SPAG16: variants seen among roughly 807,000 people sequenced by gnomAD.
The protein encoded by SPAG16 is sperm associated antigen 16.
In SPAG16, 86 loss-of-function variants were observed where a neutral mutation model predicts 80.4. The ratio of observed to expected loss-of-function variants is 1.07; its 90% confidence interval spans 0.90 to 1.28. The LOEUF (loss-of-function observed/expected upper bound fraction) is 1.28. Among genes scored for constraint, SPAG16 ranks in the 50% most tolerant of loss-of-function variants. The probability of loss-of-function intolerance (pLI) is 0.00; values close to 1 mark genes in which losing one functional copy is unlikely to be tolerated. For synonymous variants in SPAG16, 294 were observed against 265.9 expected, an observed-to-expected ratio of 1.11 and a Z score of -1.03; for missense variants, 870 against 765.3, an observed-to-expected ratio of 1.14 and a Z score of -1.61.
intron 15 of SPAG16, among the ~76,000 whole-genome samples, chr2:214,312,912 C>T (rs1261612540): frequency 3.3e-5 from 5 of 151,842 alleles, no homozygotes; most frequent in Admixed American, 3.3e-4. Context: ...GATCTGCTAA[C>T]AAAGCATTCA....
intron 6 of SPAG16, 66 bp downstream of exon 6, chr2:213,340,336 TGACAAAGTTTTA>T (rs2064618271): frequency 2.6e-6 from 3 of 1,146,832 alleles, no homozygotes; most frequent in Non-Finnish European, 3.8e-6. Flanking sequence ...AATTTGATTA[TGACAAAGTTTTA>T]GACAAAGTTA....
intron 13 of SPAG16, among the ~76,000 whole-genome samples, chr2:214,078,618 C>A (rs535030257): frequency 2.0e-5 from 3 of 149,594 alleles, no homozygotes; most frequent in Admixed American, 6.7e-5. Flanking sequence ...TTTTATTTTA[C>A]TTTTCTCTTT....
chr2:213,486,741 A>G (rs138764839), intron 9 of SPAG16, among the ~76,000 whole-genome samples: 1 of 152,128 alleles, frequency 6.6e-6, no homozygotes, highest in South Asian at 2.1e-4. Context: ...GTCTGCTTCA[A>G]TCAATATCCC....
intron 10 of SPAG16, among the ~76,000 whole-genome samples, chr2:213,535,363 T>G (rs1038750066): frequency 6.6e-6 from 1 of 152,030 alleles, no homozygotes; most frequent in African/African-American, 2.4e-5. Context: ...AAAGAAAGCT[T>G]AAGCAAGTGT....
chr2:213,893,630 T>C (rs2076877362), intron 11 of SPAG16, among the ~76,000 whole-genome samples: 1 of 152,132 alleles, frequency 6.6e-6, no homozygotes, highest in Admixed American at 6.6e-5. Flanking sequence ...TTTTTCTTTG[T>C]TTCCATTTTT....
chr2:213,860,451 A>G (rs565555291), intron 10 of SPAG16, among the ~76,000 whole-genome samples: 9 of 124,052 alleles, frequency 7.3e-5, no homozygotes, highest in Middle Eastern at 3.9e-3. Context: ...AGATATATGT[A>G]TATATATACA....
chr2:213,955,642 C>T (rs1411483466), intron 12 of SPAG16, among the ~76,000 whole-genome samples: 1 of 152,018 alleles, frequency 6.6e-6, no homozygotes, highest in Non-Finnish European at 1.5e-5. Context: ...TTTAAGATCA[C>T]TTTAATCTGG....
chr2:213,580,957 A>G (rs2060279148), intron 10 of SPAG16, among the ~76,000 whole-genome samples: 1 of 151,830 alleles, frequency 6.6e-6, no homozygotes, highest in South Asian at 2.1e-4. Context: ...GTAAGCCTAT[A>G]TTTTGTTTAT....
chr2:214,061,545 A>G (rs145174261), intron 13 of SPAG16, among the ~76,000 whole-genome samples: 39 of 152,270 alleles, frequency 2.6e-4, no homozygotes, highest in African/African-American at 9.1e-4. Context: ...CTTGATGCAG[A>G]ATTTTCTCTT....
intron 1 of SPAG16, among the ~76,000 whole-genome samples, chr2:213,294,315 A>G (rs895446529): frequency 6.6e-6 from 1 of 152,196 alleles, no homozygotes; most frequent in African/African-American, 2.4e-5. Flanking sequence ...TTTGTTAGTG[A>G]AAGATAAAAT....
At chr2:214,125,944 G>A (rs2054453765) in intron 14 of SPAG16, among the ~76,000 whole-genome samples, 1 of 150,846 alleles carries the variant, frequency 6.6e-6, no homozygotes. Flanking sequence ...ATAATCTAAT[G>A]GTAATAGACC....
chr2:214,072,950 C>T (rs1021669663), intron 13 of SPAG16, among the ~76,000 whole-genome samples: 5 of 152,066 alleles, frequency 3.3e-5, no homozygotes, highest in African/African-American at 1.2e-4. Context: ...AATATGAACA[C>T]ATACAAATAT....
At chr2:214,315,501 T>TTTTATTTATTTA (rs145465479) in intron 15 of SPAG16, among the ~76,000 whole-genome samples, 2 of 144,186 alleles carry the variant, frequency 1.4e-5, no homozygotes, top group African/African-American at 2.6e-5. Flanking sequence ...GCCCCATCTT[T>TTTTATTTATTTA]TTTATTTATT....
At chr2:214,256,333 T>C (rs865867975) in intron 15 of SPAG16, among the ~76,000 whole-genome samples, 2 of 151,918 alleles carry the variant, frequency 1.3e-5, no homozygotes, top group Admixed American at 6.6e-5. Context: ...CTTAGTTATT[T>C]ATTGTAGACA....
At chr2:214,318,373 C>CTTTTTT (rs34923875) in intron 15 of SPAG16, among the ~76,000 whole-genome samples, 1 of 69,802 alleles carries the variant, frequency 1.4e-5, no homozygotes, top group Non-Finnish European at 2.6e-5. Flanking sequence ...AGAGTGAATT[C>CTTTTTT]TTTTTTTTTT....
chr2:213,698,972 T>C (rs2065280397), intron 10 of SPAG16, among the ~76,000 whole-genome samples: 1 of 152,352 alleles, frequency 6.6e-6, no homozygotes, highest in Non-Finnish European at 1.5e-5. Flanking sequence ...GGTTAATAAA[T>C]GTGGGCAAAT....
At chr2:213,456,283 GT>G (rs1009121250) in intron 9 of SPAG16, among the ~76,000 whole-genome samples, 3 of 152,116 alleles carry the variant, frequency 2.0e-5, no homozygotes, top group African/African-American at 7.2e-5. Context: ...GCTCCCAAAA[GT>G]CTTTATCTTT....
intron 10 of SPAG16, among the ~76,000 whole-genome samples, chr2:213,777,417 T>A (rs2069666877): frequency 6.6e-6 from 1 of 151,762 alleles, no homozygotes; most frequent in South Asian, 2.1e-4. Flanking sequence ...CAACTAATTT[T>A]TTTTTTTGAG....
chr2:213,917,889 A>G (rs555521354), intron 11 of SPAG16, among the ~76,000 whole-genome samples: 1 of 152,292 alleles, frequency 6.6e-6, no homozygotes, highest in East Asian at 1.9e-4. Flanking sequence ...TTGCCCATTC[A>G]GTATGATGTT....
Sources: allele counts gnomAD v4.1 joint callset (sites outside exome capture counted in the v4.1 genomes callset), GRCh38; gene constraint gnomAD v4.1.1; transcripts MANE v1.5; gene names NCBI Gene and HGNC (gene_info 2026-07-23, HGNC 2026-07-21).